Variants in ZNF385D observed in about 807,000 individuals in gnomAD.
The protein encoded by ZNF385D is zinc finger protein 659.
A neutral mutation model predicts 35.8 loss-of-function variants in ZNF385D; 15 were observed. The ratio of observed to expected loss-of-function variants is 0.42; its 90% CI spans 0.28 to 0.64. ZNF385D has a LOEUF of 0.64. Ranked by LOEUF, ZNF385D falls within the 30% of genes least tolerant of loss-of-function variation. The probability of loss-of-function intolerance (pLI) is 0.23; values close to 1 mark genes in which losing one functional copy is unlikely to be tolerated. For synonymous variants in ZNF385D, 212 were observed against 186.8 expected (o/e 1.13, Z -1.10); for missense variants, 474 against 494.6 (o/e 0.96, Z 0.39).
At chr3:22,189,905 G>C (rs1217596954) in intron 2 of ZNF385D, among the ~76,000 whole-genome samples, 1 of 152,040 alleles carries the variant, frequency 6.6e-6, no homozygotes, top group African/African-American at 2.4e-5. Flanking sequence ...AATGATATTA[G>C]GATATTCCAG....
At chr3:21,901,512 G>C (rs259484) in intron 3 of ZNF385D, among the ~76,000 whole-genome samples, 38,237 of 152,096 alleles carry the variant, frequency 0.25, 5,190 homozygotes, top group South Asian at 0.38. Context: ...AATAAAAATG[G>C]TTGGTGTGCA....
chr3:21,568,096 C>T (rs1409920113), intron 2 of ZNF385D, among the ~76,000 whole-genome samples: 1 of 152,062 alleles, frequency 6.6e-6, no homozygotes, highest in Non-Finnish European at 1.5e-5. Context: ...AAATGGATTT[C>T]ACAAACTATA....
At chr3:21,942,513 C>A (rs1044703816) in intron 3 of ZNF385D, 29 of 152,216 alleles carry the variant, frequency 1.9e-4, no homozygotes, top group Admixed American at 1.4e-3. Flanking sequence ...GCTGCAGAAA[C>A]AGCCACATAA....
chr3:21,446,169 GATCTGAGAACCACACTTCAA>G, intron 4 of ZNF385D, among the ~76,000 whole-genome samples: 1 of 152,296 alleles, frequency 6.6e-6, no homozygotes, highest in African/African-American at 2.4e-5. Context: ...TGTTGCTGCT[GATCTGAGAACCACACTTCAA>G]GAACCACCAC....
At chr3:21,886,562 T>C (rs906227032) in intron 3 of ZNF385D, among the ~76,000 whole-genome samples, 2 of 152,008 alleles carry the variant, frequency 1.3e-5, no homozygotes, top group Non-Finnish European at 2.9e-5. Flanking sequence ...GATGGACGGC[T>C]CAGAAAAACC....
chr3:22,083,765 T>C (rs2141217), intron 3 of ZNF385D, among the ~76,000 whole-genome samples: 97,345 of 151,898 alleles, frequency 0.64, 31,546 homozygotes, highest in Non-Finnish European at 0.68. Context: ...AGAGCATCCC[T>C]AAGACACATA....
chr3:22,111,241 C>G (rs1702515669), intron 3 of ZNF385D, among the ~76,000 whole-genome samples: 1 of 127,658 alleles, frequency 7.8e-6, no homozygotes, highest in Non-Finnish European at 1.6e-5. Context: ...CTATAAACTG[C>G]TATATTTACT....
At chr3:22,187,224 C>A (rs747528099) in intron 2 of ZNF385D, among the ~76,000 whole-genome samples, 2 of 152,148 alleles carry the variant, frequency 1.3e-5, no homozygotes, top group Non-Finnish European at 1.5e-5. Flanking sequence ...TTTTAACTGG[C>A]ATCTTGTACT....
chr3:21,516,008 A>G (rs1177261262), intron 3 of ZNF385D, among the ~76,000 whole-genome samples: 1 of 151,924 alleles, frequency 6.6e-6, no homozygotes, highest in East Asian at 1.9e-4. Flanking sequence ...GAGGAACCCC[A>G]CCAAAACTCA....
chr3:21,955,525 T>A (rs941729663), intron 3 of ZNF385D, among the ~76,000 whole-genome samples: 13 of 152,142 alleles, frequency 8.5e-5, no homozygotes, highest in African/African-American at 3.1e-4. Context: ...TTAAGAAAGA[T>A]CATTCTGGAT....
intron 3 of ZNF385D, among the ~76,000 whole-genome samples, chr3:22,006,298 T>C (rs1019446248): frequency 2.0e-5 from 3 of 152,088 alleles, no homozygotes; most frequent in East Asian, 3.8e-4. Context: ...AAAAAGTCAA[T>C]TGCAAATGGT....
At chr3:22,208,149 G>T (rs1697276907) in intron 2 of ZNF385D, among the ~76,000 whole-genome samples, 1 of 151,908 alleles carries the variant, frequency 6.6e-6, no homozygotes, top group South Asian at 2.1e-4. Flanking sequence ...CACATTTATT[G>T]CAGCACTATT....
chr3:21,557,518 T>C (rs1240498147), intron 3 of ZNF385D, among the ~76,000 whole-genome samples: 1 of 152,226 alleles, frequency 6.6e-6, no homozygotes, highest in African/African-American at 2.4e-5. Flanking sequence ...TGAAGCTGAC[T>C]TGATCGTGGT....
chr3:21,446,862 C>G (rs761830037), intron 4 of ZNF385D, among the ~76,000 whole-genome samples: 4 of 152,028 alleles, frequency 2.6e-5, no homozygotes, highest in Admixed American at 6.6e-5. Context: ...ACATTCTGAT[C>G]TTTGGAGCAG....
intron 3 of ZNF385D, among the ~76,000 whole-genome samples, chr3:22,093,107 G>C (rs1242132951): frequency 6.6e-6 from 1 of 151,888 alleles, no homozygotes; most frequent in Non-Finnish European, 1.5e-5. Context: ...GTGAAGTGTT[G>C]GTGCCAAATG....
intron 3 of ZNF385D, among the ~76,000 whole-genome samples, chr3:21,543,632 A>G (rs944803739): frequency 1.3e-5 from 2 of 152,200 alleles, no homozygotes; most frequent in Admixed American, 6.5e-5. Context: ...CAACTGGTGG[A>G]GGAAACAGTT....
At chr3:21,493,014 G>A (rs1300521017) in intron 4 of ZNF385D, among the ~76,000 whole-genome samples, 1 of 151,862 alleles carries the variant, frequency 6.6e-6, no homozygotes, top group Non-Finnish European at 1.5e-5. Flanking sequence ...TAATACAAAG[G>A]CATATAATCT....
chr3:22,291,865 T>C (rs1702318039), intron 2 of ZNF385D, among the ~76,000 whole-genome samples: 1 of 152,096 alleles, frequency 6.6e-6, no homozygotes, highest in African/African-American at 2.4e-5. Flanking sequence ...TACAAACATG[T>C]GTACTTCAGT....
chr3:22,330,702 C>G (rs549106347), intron 2 of ZNF385D, among the ~76,000 whole-genome samples: 2 of 152,290 alleles, frequency 1.3e-5, no homozygotes, highest in East Asian at 1.9e-4. Flanking sequence ...TCCACACAAG[C>G]AGGGATTTCT....
Sources: allele counts gnomAD v4.1 joint callset (sites outside exome capture counted in the v4.1 genomes callset), GRCh38; gene constraint gnomAD v4.1.1; transcripts MANE v1.5; gene names NCBI Gene and HGNC (gene_info 2026-07-23, HGNC 2026-07-21).